The following PHC2 variants were observed in gnomAD, a reference collection of about 807,000 sequenced individuals.
The protein encoded by PHC2 is polyhomeotic homolog 2.
PHC2 carries 29 observed loss-of-function variants against 87.4 expected under a neutral mutation model. The observed-to-expected ratio is 0.33, with a 90% CI of 0.25 to 0.45. The LOEUF (loss-of-function observed/expected upper bound fraction) is 0.45. Ranked by LOEUF, PHC2 falls within the 20% of genes least tolerant of loss-of-function variation. PHC2 has a pLI of 1.00. For synonymous variants in PHC2, 438 were observed against 461.7 expected (o/e 0.95, Z 0.66); for missense variants, 857 against 1,136.7 (o/e 0.75, Z 3.54).
chr1:33,370,642 C>T (rs1029746713), intron 4 of PHC2, 57 bp from the exon 5 acceptor site: 1 of 1,496,044 alleles, frequency 6.7e-7, no homozygotes, highest in Admixed American at 1.9e-5. Context: ...GAGCTGTGTC[C>T]CCCTCATCCA....
intron 13 of PHC2, among the ~76,000 whole-genome samples, chr1:33,329,453 G>C (rs1027303279): frequency 6.6e-6 from 1 of 151,760 alleles, no homozygotes; most frequent in Admixed American, 6.6e-5. Flanking sequence ...TCTTCTGTAC[G>C]TACACAGCTT....
chr1:33,356,986 G>A (rs1286936198), intron 7 of PHC2, among the ~76,000 whole-genome samples: 1 of 152,198 alleles, frequency 6.6e-6, no homozygotes, highest in Non-Finnish European at 1.5e-5. Context: ...TCAGTGTCTA[G>A]CTCATGCCTT....
At chr1:33,358,236 G>C (rs182170941) in intron 7 of PHC2, among the ~76,000 whole-genome samples, 1 of 152,278 alleles carries the variant, frequency 6.6e-6, no homozygotes, top group East Asian at 1.9e-4. Context: ...TTTCCCAAAA[G>C]ACTGGGAAAG....
chr1:33,402,835 C>CTT (rs35208971), intron 1 of PHC2, among the ~76,000 whole-genome samples: 36 of 150,810 alleles, frequency 2.4e-4, no homozygotes, highest in African/African-American at 5.3e-4. Flanking sequence ...AGGGAAAACT[C>CTT]TTTTTTTTGA....
rs759608754 is a variant in PHC2 at position 33,334,562 on chromosome 1, A to G, written c.1559-270T>C. Among the ~76,000 whole-genome samples, 3 of 152,234 alleles carry G rather than the reference A, an allele frequency of 2.0e-5. No individual in the cohort carries two copies. The highest frequency in any genetic ancestry group is 4.4e-5 in the Non-Finnish European group (3 of 68,040). ...TCTTCATTTCCCAACCGTGCTATGA[A>G]CAGTTAACCCGGATAAACAGACGGG... On this transcript the variant is annotated intron_variant, in intron 9 of 14. Transcript: ENST00000683057. The surrounding 1 kb of genome is among the most constrained non-coding windows in gnomAD (Gnocchi z 5.5).
intron 12 of PHC2, among the ~76,000 whole-genome samples, chr1:33,330,652 C>T (rs1445535252): frequency 1.3e-5 from 2 of 152,174 alleles, no homozygotes; most frequent in African/African-American, 4.8e-5. Context: ...GCATGCAGAA[C>T]ACCTCTGTCT....
At chr1:33,409,596 A>G (rs970508390) in intron 1 of PHC2, among the ~76,000 whole-genome samples, 1 of 152,230 alleles carries the variant, frequency 6.6e-6, no homozygotes, top group African/African-American at 2.4e-5. Context: ...AAAATAAACT[A>G]GAGTTCCCAT....
chr1:33,401,325 CA>C (rs1225077600), intron 1 of PHC2, among the ~76,000 whole-genome samples: 9 of 143,856 alleles, frequency 6.3e-5, no homozygotes, highest in South Asian at 2.2e-4. Flanking sequence ...GACTCCGTCT[CA>C]AAAAAAAAAG....
intron 1 of PHC2, among the ~76,000 whole-genome samples, chr1:33,386,820 C>T (rs1399749171): frequency 6.6e-6 from 1 of 152,084 alleles, no homozygotes; most frequent in Non-Finnish European, 1.5e-5. Context: ...ACACCCTGCA[C>T]ACATACAAAG....
intron 7 of PHC2, among the ~76,000 whole-genome samples, chr1:33,366,342 G>T (rs1229067124): frequency 1.3e-5 from 2 of 152,224 alleles, no homozygotes; most frequent in African/African-American, 4.8e-5. Flanking sequence ...GCTCTTGGCA[G>T]ATTTTCCCAT....
intron 1 of PHC2, among the ~76,000 whole-genome samples, chr1:33,423,801 T>C (rs1479866828): frequency 1.3e-5 from 2 of 152,154 alleles, no homozygotes; most frequent in Admixed American, 1.3e-4. Flanking sequence ...ATTTTTTATT[T>C]AGAAAGTGCT....
At chr1:33,328,789 A>T in intron 14 of PHC2, 81 bp downstream of exon 14, 1 of 1,383,504 alleles carries the variant, frequency 7.2e-7, no homozygotes, top group Non-Finnish European at 9.9e-7. Context: ...TAAACTACCT[A>T]ATCCTCCTGG....
intron 1 of PHC2, among the ~76,000 whole-genome samples, chr1:33,380,248 AATC>A (rs1648431148): frequency 6.6e-6 from 1 of 152,244 alleles, no homozygotes; most frequent in Non-Finnish European, 1.5e-5. Flanking sequence ...CCTGTTGTGC[AATC>A]ATCACCACCA....
rs1303212509 is a variant in PHC2 at position 33,369,915 on chromosome 1, C to T, written c.576+506G>A. 6.6e-6 allele frequency among the ~76,000 whole-genome samples: 1 copy of T among 152,102 alleles called. No homozygotes were observed. The highest frequency in any genetic ancestry group is 1.5e-5 in the Non-Finnish European group (1 of 68,020). Reference sequence around the variant, plus strand: ...TTGGTGCTATCCTGAGTATATCCTGCCCAAACAAGCTCACCTGACCCTGAT... The same window carrying T: ...TTGGTGCTATCCTGAGTATATCCTGTCCAAACAAGCTCACCTGACCCTGAT... On this transcript the variant is annotated intron_variant, in intron 5 of 14. Coordinates refer to ENST00000683057, the MANE Select transcript of PHC2 (RefSeq NM_001385109.1). The surrounding 1 kb of genome is among the most constrained non-coding windows in gnomAD (Gnocchi z 4.7).
intron 1 of PHC2, among the ~76,000 whole-genome samples, chr1:33,412,550 C>G (rs748634594): frequency 1.3e-5 from 2 of 152,196 alleles, no homozygotes; most frequent in South Asian, 2.1e-4. Context: ...AGCATGATCA[C>G]TGATTGCCCT....
rs566550362 is a variant in PHC2 at position 33,375,534 on chromosome 1, C to T, written c.6G>A (p.Glu2=). The T allele has an allele frequency of 9.6e-6, 15 of 1,569,618 alleles. No individual in the cohort carries two copies. The East Asian group carries it at 1.4e-4, about 15-fold the overall frequency. Residue 2 remains glutamate (E), a synonymous_variant, in exon 2 of 15, where the codon GAG becomes GAA. Coordinates refer to ENST00000683057, the MANE Select transcript of PHC2 (RefSeq NM_001385109.1). M[E]NELPVPHTSS... ...ATGTATGTGGGACTGGCAGCTCATT[C>T]TCCATGGCCTGCAGTGTGGCGCAGT...
At chr1:33,379,042 G>A (rs952604810) in intron 1 of PHC2, among the ~76,000 whole-genome samples, 9 of 151,812 alleles carry the variant, frequency 5.9e-5, no homozygotes, top group Non-Finnish European at 1.2e-4. Context: ...CAGACACTGT[G>A]GAGAGTGTAC....
At chr1:33,340,755 A>G (rs1029962677) in intron 9 of PHC2, among the ~76,000 whole-genome samples, 2 of 152,196 alleles carry the variant, frequency 1.3e-5, no homozygotes, top group African/African-American at 4.8e-5. Context: ...GGGAACAGGC[A>G]GGCTGAGCTC....
chr1:33,390,900 C>T (rs1649020539), intron 1 of PHC2, among the ~76,000 whole-genome samples: 1 of 152,110 alleles, frequency 6.6e-6, no homozygotes, highest in East Asian at 1.9e-4. Flanking sequence ...AGGAAGCTGT[C>T]AAGGGATAAC....
Sources: allele counts gnomAD v4.1 joint callset (sites outside exome capture counted in the v4.1 genomes callset), GRCh38; gene constraint gnomAD v4.1.1; non-coding constraint Gnocchi (gnomAD v3.1); transcripts MANE v1.5; gene names NCBI Gene and HGNC (gene_info 2026-07-23, HGNC 2026-07-21).